SCARB1: variants seen among roughly 807,000 people sequenced by gnomAD.
SCARB1 encodes the protein scavenger receptor class B member 1.
In SCARB1, 30 loss-of-function variants were observed where a neutral mutation model predicts 57.2. That is an observed-to-expected ratio of 0.52 (90% CI 0.39 to 0.71). The LOEUF is 0.71. Ranked by LOEUF, SCARB1 falls within the 30% of genes least tolerant of loss-of-function variation. The pLI is 0.00. For synonymous variants in SCARB1, 249 were observed against 268.3 expected, an observed-to-expected ratio of 0.93 and a Z score of 0.70; for missense variants, 543 against 671.2, an observed-to-expected ratio of 0.81 and a Z score of 2.11.
chr12:124,811,801 C>T (rs1022003362), intron 5 of SCARB1, 69 bp downstream of exon 5: 98 of 1,074,224 alleles, frequency 9.1e-5, no homozygotes, highest in South Asian at 2.8e-4. Flanking sequence ...CTGCCACTCC[C>T]GAGCAGCCAT....
chr12:124,803,869 A>G (rs915106334), intron 7 of SCARB1, among the ~76,000 whole-genome samples: 1 of 152,112 alleles, frequency 6.6e-6, no homozygotes, highest in African/African-American at 2.4e-5. Context: ...TGGGCAACAG[A>G]GAAACCCTGT....
At position 124,796,628 on chromosome 12, in the gene SCARB1, A is replaced by G. The variant is rs1245666560; in HGVS notation, c.1129-1360T>C. 6.6e-6 allele frequency among the ~76,000 whole-genome samples: 1 copy of G among 152,246 alleles called. No individual in the cohort carries two copies. The highest frequency in any genetic ancestry group is 1.5e-5 in the Non-Finnish European group (1 of 68,042). On this transcript the variant is annotated intron_variant, in intron 8 of 12. Coordinates refer to ENST00000261693, the MANE Select transcript of SCARB1 (RefSeq NM_005505.5). This position sits in a 1 kb window ranked among gnomAD's most constrained non-coding sequence, Gnocchi z 4.0. ...TTGCAAGAGCAAAAGTAAGGTATGC[A>G]AGATAGCCACACGCAGGGCCATAAA...
At chr12:124,787,712 GTTTT>G (rs374041503) in intron 9 of SCARB1, among the ~76,000 whole-genome samples, 1 of 130,030 alleles carries the variant, frequency 7.7e-6, no homozygotes, top group Non-Finnish European at 1.6e-5. Flanking sequence ...AAGGCGTTTT[GTTTT>G]TTTTTTTCTT....
chr12:124,792,721 C>CAAAAAA (rs930596389), intron 9 of SCARB1, among the ~76,000 whole-genome samples: 4 of 31,728 alleles, frequency 1.3e-4, no homozygotes, highest in Non-Finnish European at 1.4e-4. Flanking sequence ...GACTTCGTCT[C>CAAAAAA]AAAAAAAAAA....
chr12:124,837,472 A>AAAGGAAGGAAGG lies in SCARB1; in HGVS notation c.127-19777_127-19766dup, dbSNP rs199725164. Among the ~76,000 whole-genome samples the AAAGGAAGGAAGG allele has an allele frequency of 8.4e-3, 612 of 72,590 alleles. 16 individuals are homozygous for AAAGGAAGGAAGG. The highest frequency in any genetic ancestry group is 0.022 in the African/African-American group (547 of 25,162). 47.6% of individuals were successfully genotyped at this position (72,590 alleles called of 152,430 possible). On this transcript the variant is annotated intron_variant, in intron 1 of 12. Coordinates refer to ENST00000261693, the MANE Select transcript of SCARB1 (RefSeq NM_005505.5). ...GAAAGAAAGAAGGAAAGAAAGAAAG[A>AAAGGAAGGAAGG]AAGGAAGGAAGGAAGGAAGGAAGGA...
chr12:124,782,689 T>A lies in SCARB1; in HGVS notation c.1524A>T (p.Lys508Asn). The A allele has an allele frequency of 6.2e-7, 1 of 1,613,926 alleles. No individual in the cohort carries two copies. Among genetic ancestry groups the A allele is most frequent in the Non-Finnish European group, 8.5e-7 (1 of 1,179,930 alleles). ...GGCATTACCTGGTACCCACCTACAG[T>A]TTTGCTTCCTGCAGCACAGAGCCCT... ...APKGSVLQEA[K>N]L is the part of the protein sequence containing the mutation. The change falls in exon 12 of 13, where the codon AAA becomes AAT. Residue 508 changes from lysine to asparagine, a missense_variant. Lys to Asn is a moderately conservative substitution (Grantham distance 94, BLOSUM62 0). Transcript: ENST00000261693.
Position 124,829,906 on chromosome 12 carries a change from T to C in SCARB1, c.127-12199A>G, listed in dbSNP as rs186630857. ...TGTTTTATCTCCCTGACATTATCAA[T>C]ATCTGAAATTTCTATGTAGTTGTTG... On this transcript the variant is annotated intron_variant, in intron 1 of 12. Coordinates refer to ENST00000261693, the MANE Select transcript of SCARB1 (RefSeq NM_005505.5). 2.8e-3 allele frequency among the ~76,000 whole-genome samples: 421 copies of C among 152,312 alleles called. 3 individuals are homozygous for C. The highest frequency in any genetic ancestry group is 1.0e-2 in the African/African-American group (414 of 41,582).
intron 1 of SCARB1, among the ~76,000 whole-genome samples, chr12:124,841,734 G>T (rs984324443): frequency 6.6e-6 from 1 of 152,006 alleles, no homozygotes; most frequent in Non-Finnish European, 1.5e-5. Flanking sequence ...CCAGCTCATA[G>T]AGCCCCTCCT....
intron 1 of SCARB1, among the ~76,000 whole-genome samples, chr12:124,837,509 A>AGC (rs879775563): frequency 8.9e-6 from 1 of 112,392 alleles, no homozygotes. Flanking sequence ...GGAAGGGAGA[A>AGC]AAAAGAAAAG....
intron 5 of SCARB1, 114 bp downstream of exon 5, chr12:124,811,756 T>C (rs1030651460): frequency 5.4e-6 from 4 of 741,756 alleles, no homozygotes; most frequent in African/African-American, 3.5e-5. Context: ...CCCAGCACCC[T>C]CTTCACGACA....
chr12:124,778,663 C>T (rs1249915917), intron 12 of SCARB1, 77 bp from the exon 13 acceptor site: 13 of 1,317,038 alleles, frequency 9.9e-6, no homozygotes, highest in Non-Finnish European at 9.8e-6. Flanking sequence ...CCACCACAGC[C>T]CTGTACCCAC....
intron 1 of SCARB1, among the ~76,000 whole-genome samples, chr12:124,841,353 A>G (rs1232795459): frequency 1.3e-5 from 2 of 151,026 alleles, no homozygotes; most frequent in Non-Finnish European, 3.0e-5. Flanking sequence ...CCGCCTGGGC[A>G]ACAGAGCAAG....
At position 124,814,139 on chromosome 12, in the gene SCARB1, G is replaced by T; in HGVS notation, c.630+63C>A. 1 of 1,474,908 alleles carries T rather than the reference G, an allele frequency of 6.8e-7. No homozygotes were observed. Among genetic ancestry groups the T allele is most frequent in the Non-Finnish European group, 9.5e-7 (1 of 1,054,066 alleles). The allele number at this position is 1,474,908 out of a possible 1,614,324, so 91.4% of individuals were successfully genotyped here. ...AAGCAAGCTGGTGACCAGTGTCCAG[G>T]CTGTGTGAGGGGAAGACAGGACACA... On this transcript the variant is annotated intron_variant, in intron 4 of 12. Coordinates refer to ENST00000261693, the MANE Select transcript of SCARB1 (RefSeq NM_005505.5). The surrounding 1 kb of genome is among the most constrained non-coding windows in gnomAD (Gnocchi z 4.7).
intron 7 of SCARB1, among the ~76,000 whole-genome samples, chr12:124,806,515 C>T (rs1950330047): frequency 6.6e-6 from 1 of 152,180 alleles, no homozygotes; most frequent in African/African-American, 2.4e-5. Flanking sequence ...ATTTAGGACA[C>T]GTACATGCCC....
At chr12:124,852,146 C>T (rs1952432591) in intron 1 of SCARB1, among the ~76,000 whole-genome samples, 1 of 152,154 alleles carries the variant, frequency 6.6e-6, no homozygotes, top group South Asian at 2.1e-4. Flanking sequence ...TGTCTCTTTA[C>T]CCACCATCCA....
chr12:124,824,525 C>T (rs773569489), intron 1 of SCARB1, among the ~76,000 whole-genome samples: 3 of 152,220 alleles, frequency 2.0e-5, no homozygotes, highest in South Asian at 2.1e-4. Context: ...GTGAATTTTA[C>T]GTTAACTGGA....
rs35712179 is a variant in SCARB1, at chr12:124,850,745, G to A, written c.126+12850C>T. 2.0e-3 allele frequency among the ~76,000 whole-genome samples: 306 copies of A among 152,288 alleles called. 7 individuals carry two copies. The East Asian group carries it at 0.039, about 20-fold the overall frequency. On this transcript the variant is annotated intron_variant, in intron 1 of 12. Transcript: ENST00000261693. Reference sequence around the variant, plus strand: ...TGGTAAGCTACTACCTCCTCAAGAGGCCTTGGTAAACAGAATAGTCAGCCA... The same window carrying A: ...TGGTAAGCTACTACCTCCTCAAGAGACCTTGGTAAACAGAATAGTCAGCCA...
intron 1 of SCARB1, among the ~76,000 whole-genome samples, chr12:124,834,633 C>T (rs865991351): frequency 3.9e-5 from 6 of 152,188 alleles, no homozygotes; most frequent in Admixed American, 6.5e-5. Flanking sequence ...CCTGGCTGAG[C>T]GTGGTGGCTC....
At chr12:124,808,756 C>T (rs545648899) in intron 6 of SCARB1, among the ~76,000 whole-genome samples, 2 of 152,240 alleles carry the variant, frequency 1.3e-5, no homozygotes, top group South Asian at 4.1e-4. Context: ...GCTGTCCATC[C>T]CGCCCTTGAC....
Sources: gnomAD v4.1 joint callset for allele counts (sites outside exome capture counted in the v4.1 genomes callset) on GRCh38, gnomAD v4.1.1 for gene constraint, Gnocchi (gnomAD v3.1) non-coding constraint, MANE v1.5 for transcripts, NCBI Gene and HGNC (gene_info 2026-07-23, HGNC 2026-07-21) for gene names.